Variants in ZFAND3 observed in about 807,000 individuals in gnomAD.
ZFAND3 encodes the protein AN1-type zinc finger protein 3.
ZFAND3 carries 10 observed loss-of-function variants against 29.6 expected under a neutral mutation model. That is an observed-to-expected ratio of 0.34 (90% CI 0.21 to 0.57). The LOEUF is 0.57. Ranked by LOEUF, ZFAND3 falls within the 20% of genes least tolerant of loss-of-function variation. The pLI, the probability that ZFAND3 is intolerant of heterozygous loss-of-function variation, is 0.86. For missense variants in ZFAND3, 230 were observed against 304.5 expected (o/e 0.76, Z 1.82); for synonymous variants, 128 against 112.6 (o/e 1.14, Z -0.87).
intron 2 of ZFAND3, among the ~76,000 whole-genome samples, chr6:38,032,243 T>G (rs1375740248): frequency 6.6e-6 from 1 of 152,192 alleles, no homozygotes; most frequent in African/African-American, 2.4e-5. Context: ...GTTACAAGAT[T>G]TATATTTTAT....
intron 1 of ZFAND3, among the ~76,000 whole-genome samples, chr6:37,916,812 A>G (rs1047848193): frequency 1.3e-5 from 2 of 152,246 alleles, no homozygotes; most frequent in African/African-American, 4.8e-5. Flanking sequence ...TTTAAGTTGC[A>G]CACCATTCTG....
At chr6:37,845,754 A>G (rs1425647893) in intron 1 of ZFAND3, among the ~76,000 whole-genome samples, 3 of 152,162 alleles carry the variant, frequency 2.0e-5, no homozygotes, top group African/African-American at 7.2e-5. Context: ...CTTAGATAAA[A>G]TGTTTGTAAA....
At chr6:38,005,854 T>C (rs1479074665) in intron 2 of ZFAND3, among the ~76,000 whole-genome samples, 1 of 152,240 alleles carries the variant, frequency 6.6e-6, no homozygotes, top group Admixed American at 6.5e-5. Context: ...CTAAACTAGA[T>C]GTACAGTTCA....
At chr6:38,020,268 A>G (rs572847891) in intron 2 of ZFAND3, among the ~76,000 whole-genome samples, 2 of 152,362 alleles carry the variant, frequency 1.3e-5, no homozygotes, top group African/African-American at 4.8e-5. Context: ...TTCTTAAAGC[A>G]CAGTGTTATA....
At chr6:37,898,148 C>G (rs137893678) in intron 1 of ZFAND3, among the ~76,000 whole-genome samples, 1 of 152,238 alleles carries the variant, frequency 6.6e-6, no homozygotes, top group African/African-American at 2.4e-5. Flanking sequence ...GTTCATTCTT[C>G]TAGTTTTATT....
At position 38,112,649 on chromosome 6, in the gene ZFAND3, A is replaced by G. The variant is rs147058863; in HGVS notation, c.362-3923A>G. On this transcript the variant is annotated intron_variant, in intron 4 of 5. Coordinates refer to ENST00000287218, the MANE Select transcript of ZFAND3 (RefSeq NM_021943.3). ...ATATGGGTAGTAGATGGTTGCTTTA[A>G]TGTCAACCATGTTTGGATTTTTTTT... Among the ~76,000 whole-genome samples the G allele has an allele frequency of 9.5e-3, 1,442 of 152,312 alleles. 15 individuals carry two copies. The highest frequency in any genetic ancestry group is 0.032 in the African/African-American group (1,333 of 41,562).
chr6:37,856,623 C>T (rs1764388551), intron 1 of ZFAND3, among the ~76,000 whole-genome samples: 1 of 152,162 alleles, frequency 6.6e-6, no homozygotes. Flanking sequence ...AAGTTCTAAA[C>T]TCCTCAAGGC....
chr6:38,017,185 G>C (rs771238943), intron 2 of ZFAND3, among the ~76,000 whole-genome samples: 24 of 152,236 alleles, frequency 1.6e-4, no homozygotes, highest in African/African-American at 2.7e-4. Context: ...AAGCCCAGCT[G>C]TGTGGTAGAA....
intron 1 of ZFAND3, among the ~76,000 whole-genome samples, chr6:37,866,002 C>T (rs1384271717): frequency 2.6e-5 from 4 of 152,134 alleles, no homozygotes; most frequent in Non-Finnish European, 5.9e-5. Context: ...TTGCCCCTCA[C>T]TGCTGTAGAG....
chr6:37,999,585 A>C (rs535031426), intron 2 of ZFAND3, among the ~76,000 whole-genome samples: 1 of 152,214 alleles, frequency 6.6e-6, no homozygotes, highest in African/African-American at 2.4e-5. Flanking sequence ...TCTTCCTCCA[A>C]TCCCATTAAT....
chr6:37,981,575 T>C (rs1762580284), intron 2 of ZFAND3, among the ~76,000 whole-genome samples: 1 of 152,200 alleles, frequency 6.6e-6, no homozygotes, highest in South Asian at 2.1e-4. Flanking sequence ...TAAGTTTTGT[T>C]ATAAATTCTA....
intron 2 of ZFAND3, 89 bp downstream of exon 2, chr6:37,930,088 C>T (rs1310446649): frequency 6.1e-6 from 8 of 1,309,944 alleles, no homozygotes; most frequent in Non-Finnish European, 8.3e-6. Flanking sequence ...TCATTTGACC[C>T]TAAAGGATTT....
intron 4 of ZFAND3, among the ~76,000 whole-genome samples, chr6:38,093,314 A>G (rs1432727002): frequency 6.6e-6 from 1 of 152,202 alleles, no homozygotes; most frequent in East Asian, 1.9e-4. Flanking sequence ...AAAGACTGCA[A>G]AGTATAAATC....
intron 2 of ZFAND3, among the ~76,000 whole-genome samples, chr6:37,937,529 C>T (rs1267523603): frequency 1.3e-5 from 2 of 151,902 alleles, no homozygotes; most frequent in East Asian, 3.9e-4. Context: ...GTGGCACATG[C>T]CTGTAATTCC....
intron 2 of ZFAND3, among the ~76,000 whole-genome samples, chr6:37,932,551 C>T (rs1005501058): frequency 3.3e-5 from 5 of 152,164 alleles, no homozygotes; most frequent in Non-Finnish European, 5.9e-5. Context: ...TATTTGTCCC[C>T]ACATGGAGAC....
At chr6:37,964,316 C>T (rs995781499) in intron 2 of ZFAND3, among the ~76,000 whole-genome samples, 1 of 152,148 alleles carries the variant, frequency 6.6e-6, no homozygotes, top group African/African-American at 2.4e-5. Flanking sequence ...ATGCTTGATT[C>T]ATAAGGTAGC....
chr6:38,041,589 G>A (rs1387994337), intron 2 of ZFAND3, among the ~76,000 whole-genome samples: 3 of 149,790 alleles, frequency 2.0e-5, no homozygotes, highest in African/African-American at 7.4e-5. Context: ...CCTTCAAACT[G>A]ATTTCTGTTT....
At chr6:37,951,824 G>A (rs1393121776) in intron 2 of ZFAND3, among the ~76,000 whole-genome samples, 1 of 152,178 alleles carries the variant, frequency 6.6e-6, no homozygotes, top group Non-Finnish European at 1.5e-5. Context: ...GATGTTTGCT[G>A]TGGGTTTGTC....
At position 37,828,791 on chromosome 6, in the gene ZFAND3, C is replaced by T. The variant is rs532631491; in HGVS notation, c.71+8775C>T. On this transcript the variant is annotated intron_variant, in intron 1 of 5. Transcript: ENST00000287218. ...TCAGCCTCCCGAGTAGCTGGGACTA[C>T]AGGTGCCTGCCACCACACCCGGCTA... Among the ~76,000 whole-genome samples the T allele has an allele frequency of 1.3e-3, 203 of 152,202 alleles. 1 individual carries two copies. Among genetic ancestry groups the T allele is most frequent in the African/African-American group, 4.7e-3 (197 of 41,544 alleles).
Sources: allele counts gnomAD v4.1 joint callset (sites outside exome capture counted in the v4.1 genomes callset), GRCh38; gene constraint gnomAD v4.1.1; transcripts MANE v1.5; gene names NCBI Gene and HGNC (gene_info 2026-07-23, HGNC 2026-07-21).